The following ZFPM2 variants were observed in gnomAD, a reference collection of about 807,000 sequenced individuals.
ZFPM2 encodes zinc finger protein, FOG family member 2.
A neutral mutation model predicts 98.6 loss-of-function variants in ZFPM2; 20 were observed. That is an observed-to-expected ratio of 0.20 (90% CI 0.14 to 0.29). The LOEUF (loss-of-function observed/expected upper bound fraction) is 0.29, where lower values mean the gene tolerates loss of function less well. Among genes scored for constraint, ZFPM2 ranks in the 10% least tolerant of loss-of-function variants. ZFPM2 has a pLI of 1.00. For missense variants in ZFPM2, 1,310 were observed against 1,388.6 expected (o/e 0.94, Z 0.90); for synonymous variants, 518 against 502.7 (o/e 1.03, Z -0.41).
chr8:105,536,019 C>T (rs982248025), intron 3 of ZFPM2, among the ~76,000 whole-genome samples: 2 of 152,062 alleles, frequency 1.3e-5, no homozygotes, highest in African/African-American at 4.8e-5. Context: ...CTTTGAGTTC[C>T]AGAGGGTTAT....
chr8:105,390,974 T>A (rs773969081), intron 1 of ZFPM2, among the ~76,000 whole-genome samples: 1 of 152,084 alleles, frequency 6.6e-6, no homozygotes, highest in African/African-American at 2.4e-5. Flanking sequence ...AAAATGCATA[T>A]CTAGGGTTTA....
intron 5 of ZFPM2, among the ~76,000 whole-genome samples, chr8:105,713,674 T>C (rs1811455199): frequency 1.3e-5 from 2 of 152,118 alleles, no homozygotes; most frequent in Non-Finnish European, 2.9e-5. Context: ...CCAGGCTGCA[T>C]ATGCTTAACC....
intron 1 of ZFPM2, among the ~76,000 whole-genome samples, chr8:105,380,738 A>T (rs796118904): frequency 2.3e-5 from 1 of 44,330 alleles, no homozygotes; most frequent in Non-Finnish European, 3.5e-5. Context: ...CATATATATT[A>T]TATATATATG....
chr8:105,649,781 G>T (rs1354507778), intron 5 of ZFPM2, among the ~76,000 whole-genome samples: 1 of 152,084 alleles, frequency 6.6e-6, no homozygotes, highest in East Asian at 1.9e-4. Flanking sequence ...GATTCAGTTT[G>T]CCAGTATTTT....
chr8:105,795,721 T>C (rs545166271), intron 6 of ZFPM2: 16 of 401,330 alleles, frequency 4.0e-5, no homozygotes, highest in Admixed American at 1.3e-4. Flanking sequence ...AAAAAAGAAA[T>C]TGAACTTAAC....
At chr8:105,364,793 C>T (rs1552108) in intron 1 of ZFPM2, among the ~76,000 whole-genome samples, 65,045 of 151,918 alleles carry the variant, frequency 0.43, 16,074 homozygotes, top group Middle Eastern at 0.55. Flanking sequence ...TTCACTTAGA[C>T]AGCAACCAGC....
At chr8:105,751,532 GT>G (rs1412310768) in intron 5 of ZFPM2, among the ~76,000 whole-genome samples, 3 of 152,072 alleles carry the variant, frequency 2.0e-5, no homozygotes, top group African/African-American at 7.2e-5. Flanking sequence ...AACACATACT[GT>G]GGAGTCAGAA....
intron 4 of ZFPM2, among the ~76,000 whole-genome samples, chr8:105,580,827 C>CTCTCTCTCTATA (rs1277698205): frequency 2.3e-5 from 3 of 131,456 alleles, no homozygotes; most frequent in African/African-American, 8.4e-5. Context: ...CTCTCTCTCT[C>CTCTCTCTCTATA]TATATATATA....
chr8:105,625,683 C>A (rs1310304757), intron 4 of ZFPM2, among the ~76,000 whole-genome samples: 2 of 151,598 alleles, frequency 1.3e-5, no homozygotes, highest in African/African-American at 4.8e-5. Flanking sequence ...CAGGTTCAAG[C>A]ATTCTCCTGC....
At chr8:105,500,899 T>C (rs1813579847) in intron 3 of ZFPM2, among the ~76,000 whole-genome samples, 1 of 152,178 alleles carries the variant, frequency 6.6e-6, no homozygotes, top group Non-Finnish European at 1.5e-5. Flanking sequence ...TAAAGGTTAT[T>C]GAAATTGAAA....
intron 4 of ZFPM2, among the ~76,000 whole-genome samples, chr8:105,581,782 CT>C (rs1815606342): frequency 6.6e-6 from 1 of 152,136 alleles, no homozygotes; most frequent in African/African-American, 2.4e-5. Context: ...TTCTCACCAC[CT>C]TGTTTTATCT....
chr8:105,693,679 A>G (rs1303690935), intron 5 of ZFPM2, among the ~76,000 whole-genome samples: 3 of 152,218 alleles, frequency 2.0e-5, no homozygotes, highest in African/African-American at 7.2e-5. Context: ...CTATATGGAC[A>G]GCTGTAACAT....
chr8:105,795,600 A>G (rs1427214519), intron 6 of ZFPM2, among the ~76,000 whole-genome samples: 1 of 143,812 alleles, frequency 7.0e-6, no homozygotes, highest in Non-Finnish European at 1.5e-5. Flanking sequence ...CTGCTAATGC[A>G]AAAAGGTTAA....
chr8:105,675,671 T>G (rs945476807), intron 5 of ZFPM2, among the ~76,000 whole-genome samples: 2 of 151,962 alleles, frequency 1.3e-5, no homozygotes, highest in Non-Finnish European at 2.9e-5. Context: ...AAGGTGTAAA[T>G]AAATAAAAAG....
chr8:105,721,146 T>A (rs545092394), intron 5 of ZFPM2, among the ~76,000 whole-genome samples: 1 of 151,872 alleles, frequency 6.6e-6, no homozygotes, highest in Non-Finnish European at 1.5e-5. Context: ...CATACTCCAG[T>A]TCTGCAGTCA....
chr8:105,797,322 T>C (rs1252267064), intron 6 of ZFPM2: 1 of 152,184 alleles, frequency 6.6e-6, no homozygotes, highest in Non-Finnish European at 1.5e-5. Context: ...ATAAATATGG[T>C]ACCAGTATTA....
intron 1 of ZFPM2, 40 bp downstream of exon 1, chr8:105,319,021 GC>G: frequency 1.3e-6 from 2 of 1,482,152 alleles, no homozygotes; most frequent in South Asian, 1.3e-5. Flanking sequence ...TGGGATTATT[GC>G]CCAGGAGCGG....
At chr8:105,755,937 G>C (rs1368574061) in intron 5 of ZFPM2, among the ~76,000 whole-genome samples, 1 of 152,030 alleles carries the variant, frequency 6.6e-6, no homozygotes, top group Non-Finnish European at 1.5e-5. Context: ...AAAAATTTAA[G>C]GGCATTTTTA....
intron 3 of ZFPM2, among the ~76,000 whole-genome samples, chr8:105,489,463 TATA>T (rs1240919096): frequency 2.1e-4 from 14 of 67,770 alleles, no homozygotes; most frequent in African/African-American, 8.3e-4. Context: ...TATATATATA[TATA>T]TTTTTTTTTT....
Sources: gnomAD v4.1 joint callset for allele counts (sites outside exome capture counted in the v4.1 genomes callset) on GRCh38, gnomAD v4.1.1 for gene constraint, MANE v1.5 for transcripts, NCBI Gene and HGNC (gene_info 2026-07-23, HGNC 2026-07-21) for gene names.